TRPC6: variants seen among roughly 807,000 people sequenced by gnomAD.
TRPC6 encodes transient receptor potential cation channel subfamily C member 6, also known as short transient receptor potential channel 6.
In TRPC6, 55 loss-of-function variants were observed where a neutral mutation model predicts 90.7. The ratio of observed to expected loss-of-function variants is 0.61; its 90% confidence interval spans 0.49 to 0.76. TRPC6 has a LOEUF of 0.76. TRPC6 is among the 30% of genes least tolerant of loss of function. The pLI, the probability that TRPC6 is intolerant of heterozygous loss-of-function variation, is 0.00. For missense variants in TRPC6, 989 were observed against 1,122.7 expected (o/e 0.88, Z 1.70); for synonymous variants, 393 against 393.0 (o/e 1.00, Z 0.00).
chr11:101,557,661 G>C (rs1376571424), intron 1 of TRPC6, among the ~76,000 whole-genome samples: 1 of 151,842 alleles, frequency 6.6e-6, no homozygotes, highest in Non-Finnish European at 1.5e-5. Flanking sequence ...AATGAATACA[G>C]TAAAGTTGCA....
At chr11:101,480,584 T>C (rs938087404) in intron 5 of TRPC6, among the ~76,000 whole-genome samples, 26 of 152,258 alleles carry the variant, frequency 1.7e-4, no homozygotes, top group African/African-American at 6.0e-4. Flanking sequence ...TTACCCCTTA[T>C]AGAAAATTTA....
chr11:101,563,467 G>A (rs1319941878), intron 1 of TRPC6, among the ~76,000 whole-genome samples: 3 of 152,168 alleles, frequency 2.0e-5, no homozygotes, highest in Non-Finnish European at 4.4e-5. Flanking sequence ...GAGTCTTGAA[G>A]AGTGAATAGG....
intron 1 of TRPC6, among the ~76,000 whole-genome samples, chr11:101,556,967 A>G (rs1358960764): frequency 6.6e-6 from 1 of 152,248 alleles, no homozygotes; most frequent in Non-Finnish European, 1.5e-5. Context: ...CCATATGGTC[A>G]TCTAATTAGA....
chr11:101,515,442 A>C (rs1378543999), intron 1 of TRPC6, among the ~76,000 whole-genome samples: 1 of 152,112 alleles, frequency 6.6e-6, no homozygotes, highest in African/African-American at 2.4e-5. Context: ...GTGACTATAT[A>C]TTTCCCTTTC....
chr11:101,558,244 T>G (rs1281513049), intron 1 of TRPC6, among the ~76,000 whole-genome samples: 10 of 128,962 alleles, frequency 7.8e-5, no homozygotes, highest in African/African-American at 2.8e-4. Context: ...TGGGTATACA[T>G]GTATATATGT....
chr11:101,488,380 T>G (rs7945727), intron 4 of TRPC6, among the ~76,000 whole-genome samples: 18,419 of 152,280 alleles, frequency 0.12, 1,620 homozygotes, highest in African/African-American at 0.25. Flanking sequence ...TCTGGTGTAC[T>G]TAGTCCCTAA....
intron 1 of TRPC6, among the ~76,000 whole-genome samples, chr11:101,548,331 T>C (rs1174660962): frequency 1.7e-5 from 2 of 116,846 alleles, no homozygotes; most frequent in East Asian, 2.8e-4. Context: ...TTATATATAA[T>C]TGAAATACAA....
chr11:101,482,840 C>T lies in TRPC6; in HGVS notation c.1510+109G>A, dbSNP rs146274431. ...AAAGAAAATTATGATGTGTGGTGCACTGTATCATGCTGCATACATTTGTAT... is the reference window on the plus strand; with the variant it reads ...AAAGAAAATTATGATGTGTGGTGCATTGTATCATGCTGCATACATTTGTAT... On this transcript the variant is annotated intron_variant, in intron 5 of 12. Coordinates refer to ENST00000344327, the MANE Select transcript of TRPC6 (RefSeq NM_004621.6). The T allele has an allele frequency of 1.2e-3, 1,362 of 1,144,330 alleles. 12 individuals carry two copies. The African/African-American group carries it at 0.018, about 15-fold the overall frequency. 70.9% of individuals were successfully genotyped at this position (1,144,330 alleles called of 1,614,324 possible).
At position 101,478,919 on chromosome 11, in the gene TRPC6, GTTT is replaced by G. The variant is rs377082385; in HGVS notation, c.1511-2388_1511-2386del. On this transcript the variant is annotated intron_variant, in intron 5 of 12. Coordinates refer to ENST00000344327, the MANE Select transcript of TRPC6 (RefSeq NM_004621.6). Reference sequence around the variant, plus strand: ...ACCCACCTGCGTGCTCATTAAATCTGTTTTTCTCTAGCAGAGGCAGGTTAACCA... The same window carrying G: ...ACCCACCTGCGTGCTCATTAAATCTGTTCTCTAGCAGAGGCAGGTTAACCA... Among the ~76,000 whole-genome samples the G allele has an allele frequency of 8.9e-3, 1,355 of 152,278 alleles. 26 individuals carry two copies. Among genetic ancestry groups the G allele is most frequent in the African/African-American group, 0.029 (1,188 of 41,564 alleles).
intron 1 of TRPC6, among the ~76,000 whole-genome samples, chr11:101,529,892 T>A (rs1410168460): frequency 6.6e-6 from 1 of 152,174 alleles, no homozygotes; most frequent in African/African-American, 2.4e-5. Context: ...TGGGTGGCAA[T>A]TTTGCTGACT....
At chr11:101,580,271 C>T (rs1862165307) in intron 1 of TRPC6, among the ~76,000 whole-genome samples, 1 of 152,158 alleles carries the variant, frequency 6.6e-6, no homozygotes, top group South Asian at 2.1e-4. Flanking sequence ...GAACTGTAAA[C>T]ATACCTTTAA....
chr11:101,540,283 G>A (rs887518265), intron 1 of TRPC6, among the ~76,000 whole-genome samples: 2 of 152,212 alleles, frequency 1.3e-5, no homozygotes, highest in African/African-American at 4.8e-5. Context: ...AGGAAACAAA[G>A]CAATGCAGGG....
intron 1 of TRPC6, among the ~76,000 whole-genome samples, chr11:101,509,090 A>T (rs1467201885): frequency 1.3e-5 from 2 of 149,774 alleles, no homozygotes; most frequent in South Asian, 2.1e-4. Context: ...CATGAAAAAA[A>T]GGCAAGGACT....
chr11:101,518,192 C>G (rs1434155109), intron 1 of TRPC6, among the ~76,000 whole-genome samples: 1 of 152,066 alleles, frequency 6.6e-6, no homozygotes, highest in Non-Finnish European at 1.5e-5. Flanking sequence ...TCTTCTGTTT[C>G]CTTGCTTTTA....
chr11:101,535,175 A>AAAGGAAGGAAGGAAGGAAGG (rs199866910), intron 1 of TRPC6, among the ~76,000 whole-genome samples: 8 of 129,604 alleles, frequency 6.2e-5, no homozygotes, highest in African/African-American at 2.0e-4. Flanking sequence ...GAAAGAAAAG[A>AAAGGAAGGAAGGAAGGAAGG]AAGGAAGGAA....
At chr11:101,456,493 G>A (rs778370649) in intron 10 of TRPC6, among the ~76,000 whole-genome samples, 24 of 152,136 alleles carry the variant, frequency 1.6e-4, no homozygotes, top group Non-Finnish European at 3.1e-4. Context: ...GTAAGGGCAG[G>A]CTCATAACCA....
At chr11:101,547,847 C>T (rs1356924596) in intron 1 of TRPC6, among the ~76,000 whole-genome samples, 1 of 152,138 alleles carries the variant, frequency 6.6e-6, no homozygotes, top group South Asian at 2.1e-4. Context: ...CCTGTCTCCT[C>T]CTACTCATTA....
intron 1 of TRPC6, among the ~76,000 whole-genome samples, chr11:101,509,253 C>A (rs1202701180): frequency 6.6e-6 from 1 of 151,640 alleles, no homozygotes; most frequent in East Asian, 1.9e-4. Flanking sequence ...CACATGCTAC[C>A]TCACCCAGTT....
chr11:101,534,888 CGT>C (rs1861000957), intron 1 of TRPC6, among the ~76,000 whole-genome samples: 1 of 152,054 alleles, frequency 6.6e-6, no homozygotes, highest in Non-Finnish European at 1.5e-5. Context: ...CTGGGCTGGG[CGT>C]AGTAGCTTAT....
Sources: gnomAD v4.1 joint callset for allele counts (sites outside exome capture counted in the v4.1 genomes callset) on GRCh38, gnomAD v4.1.1 for gene constraint, MANE v1.5 for transcripts, NCBI Gene and HGNC (gene_info 2026-07-23, HGNC 2026-07-21) for gene names.